CCDC63: variants seen among roughly 807,000 people sequenced by gnomAD.
The protein encoded by CCDC63 is coiled-coil domain containing 63, also known as coiled-coil domain-containing protein 63.
Under a neutral mutation model 63.6 loss-of-function variants are expected in CCDC63, and 54 were observed. The ratio of observed to expected loss-of-function variants is 0.85; its 90% confidence interval spans 0.68 to 1.07. The LOEUF (loss-of-function observed/expected upper bound fraction) is 1.07, where lower values mean the gene tolerates loss of function less well. Among genes scored for constraint, CCDC63 ranks in the 50% least tolerant of loss-of-function variants. The pLI, the probability that CCDC63 is intolerant of heterozygous loss-of-function variation, is 0.00. For missense variants in CCDC63, 637 were observed against 689.6 expected (o/e 0.92, Z 0.86); for synonymous variants, 253 against 266.1 (o/e 0.95, Z 0.48).
At chr12:110,887,884 C>G (rs550398881) in intron 8 of CCDC63, among the ~76,000 whole-genome samples, 1 of 152,170 alleles carries the variant, frequency 6.6e-6, no homozygotes, top group African/African-American at 2.4e-5. Context: ...CGTGAGCCAC[C>G]GCGCCCGGCC....
chr12:110,883,030 T>C (rs2136701962), intron 7 of CCDC63, among the ~76,000 whole-genome samples: 1 of 143,410 alleles, frequency 7.0e-6, no homozygotes. Flanking sequence ...ACTTGGCTAA[T>C]TTTAAATTTT....
intron 11 of CCDC63, among the ~76,000 whole-genome samples, chr12:110,906,629 A>G (rs1250586652): frequency 1.3e-5 from 2 of 151,998 alleles, no homozygotes; most frequent in African/African-American, 4.8e-5. Context: ...CCCAACAAGC[A>G]CACGTGCACA....
In CCDC63 at chr12:110,873,855, A is replaced by G. The variant is rs2071096341; in HGVS notation, c.383A>G (p.Glu128Gly). The change falls in exon 5 of 12, where the codon GAA becomes GGA. Residue 128 changes from glutamate (E) to glycine (G), a missense_variant. Glu to Gly is a moderately conservative substitution (Grantham distance 98). Transcript: ENST00000308208. ...AELDEKILQMEKKIANQKQIF... is the reference protein window; with the variant it reads ...AELDEKILQMGKKIANQKQIF... ...TCTCTTTTTCAGATTCTTCAGATGG[A>G]AAAAAAAATCGCAAACCAAAAACAG... The G allele has an allele frequency of 2.5e-6, 4 of 1,603,682 alleles. No individual in the cohort carries two copies. The African/African-American group carries it at 5.4e-5, about 22-fold the overall frequency.
chr12:110,884,928 G>GCCTCAAGTGAT (rs1363298533), intron 8 of CCDC63, among the ~76,000 whole-genome samples: 350 of 149,980 alleles, frequency 2.3e-3, no homozygotes, highest in African/African-American at 7.9e-3. Flanking sequence ...CAAACTCCTG[G>GCCTCAAGTGAT]CCTCAAGTGA....
At chr12:110,886,788 TG>T (rs1268878864) in intron 8 of CCDC63, among the ~76,000 whole-genome samples, 1 of 150,856 alleles carries the variant, frequency 6.6e-6, no homozygotes, top group African/African-American at 2.4e-5. Context: ...CACCCGGGGG[TG>T]GGGAAGACAG....
chr12:110,871,502 CCTTTCTTT>C (rs79024947), intron 4 of CCDC63, among the ~76,000 whole-genome samples: 1 of 150,922 alleles, frequency 6.6e-6, no homozygotes, highest in Non-Finnish European at 1.5e-5. Flanking sequence ...TTCCTTCCTT[CCTTTCTTT>C]CTTTCCTTCT....
Position 110,880,020 on chromosome 12 carries a change from T to G in CCDC63, c.604T>G (p.Cys202Gly). ...CAATGTCTACCAGCAGCTCCAGCAC[T>G]GCCTGTTGATGGAGAAGAAAACCAT... The part of the protein sequence containing the change: ...YDNVYQQLQH[C>G]LLMEKKTMNL... Residue 202 changes from cysteine to glycine, a missense_variant, in exon 6 of 12, where the codon TGC (cysteine) becomes GGC (glycine). Transcript: ENST00000308208. 4 of 1,614,184 alleles carry G rather than the reference T, an allele frequency of 2.5e-6. No homozygotes were observed. The highest frequency in any genetic ancestry group is 3.4e-6 in the Non-Finnish European group (4 of 1,180,010).
chr12:110,864,991 G>T (rs978066846), intron 4 of CCDC63, among the ~76,000 whole-genome samples: 1 of 152,188 alleles, frequency 6.6e-6, no homozygotes, highest in Non-Finnish European at 1.5e-5. Flanking sequence ...ACCTTCAGGA[G>T]ATGTACCCTG....
intron 7 of CCDC63, among the ~76,000 whole-genome samples, chr12:110,882,704 G>A (rs1022207412): frequency 3.3e-5 from 5 of 151,302 alleles, no homozygotes; most frequent in African/African-American, 9.7e-5. Flanking sequence ...GCAGGTGTTT[G>A]GGATAAACTG....
intron 11 of CCDC63, among the ~76,000 whole-genome samples, chr12:110,906,303 G>A (rs897137938): frequency 7.5e-6 from 1 of 132,992 alleles, no homozygotes; most frequent in Non-Finnish European, 1.6e-5. Flanking sequence ...GAGGGAGGAA[G>A]GCTCAGAGGC....
At chr12:110,876,242 C>G (rs971977182) in intron 5 of CCDC63, among the ~76,000 whole-genome samples, 3 of 139,006 alleles carry the variant, frequency 2.2e-5, no homozygotes, top group Non-Finnish European at 4.6e-5. Flanking sequence ...TCTTTCCCCC[C>G]CACAATCAGA....
At chr12:110,862,429 A>G (rs937534744) in intron 4 of CCDC63, among the ~76,000 whole-genome samples, 1 of 152,244 alleles carries the variant, frequency 6.6e-6, no homozygotes, top group African/African-American at 2.4e-5. Flanking sequence ...CGATGGGAAG[A>G]CAGCATCTTG....
intron 9 of CCDC63, among the ~76,000 whole-genome samples, chr12:110,898,257 G>A (rs757660296): frequency 2.6e-5 from 4 of 151,828 alleles, no homozygotes; most frequent in Non-Finnish European, 5.9e-5. Flanking sequence ...ACTCCAGCCT[G>A]GAGCCTAGGT....
chr12:110,855,624 C>T lies in CCDC63; in HGVS notation c.179+2050C>T, dbSNP rs2070760641. On this transcript the variant is annotated intron_variant, in intron 3 of 11. Transcript: ENST00000308208. ...GAGATGGAGTTTCGCTCTTGTTGCC[C>T]AGGCTGGAGTGCAATGGTGCGATCT... is the stretch of plus-strand genomic sequence containing the variant. 3.3e-5 allele frequency among the ~76,000 whole-genome samples: 5 copies of T among 152,178 alleles called. No individual in the cohort carries two copies. The South Asian group carries it at 1.0e-3, about 32-fold the overall frequency.
rs759779493 is a variant in CCDC63, at chr12:110,884,252, T to C, written c.1074+2T>C. Reference sequence around the variant, plus strand: ...CACAAGAGGACCCAACGAATCCAGGTCAGGGCGGCTCTGCTTTCCCAGGCC... The same window carrying C: ...CACAAGAGGACCCAACGAATCCAGGCCAGGGCGGCTCTGCTTTCCCAGGCC... On this transcript the variant is annotated splice_donor_variant, in intron 8 of 11. Coordinates refer to ENST00000308208, the MANE Select transcript of CCDC63 (RefSeq NM_152591.3). LOFTEE classifies it high-confidence loss of function. 5 of 1,613,146 alleles carry C rather than the reference T, an allele frequency of 3.1e-6. No homozygotes were observed. Among genetic ancestry groups the C allele is most frequent in the Non-Finnish European group, 4.2e-6 (5 of 1,179,298 alleles).
At chr12:110,847,642 CAAAA>C (rs1345321626) in intron 1 of CCDC63, among the ~76,000 whole-genome samples, 1 of 151,276 alleles carries the variant, frequency 6.6e-6, no homozygotes, top group African/African-American at 2.4e-5. Context: ...AACAAACAAA[CAAAA>C]AACAAGAAAA....
chr12:110,894,012 A>G (rs1022276710), intron 9 of CCDC63, among the ~76,000 whole-genome samples: 19 of 151,082 alleles, frequency 1.3e-4, no homozygotes, highest in African/African-American at 4.6e-4. Context: ...AAAAAAGGAA[A>G]TAAGTCTGGA....
intron 10 of CCDC63, among the ~76,000 whole-genome samples, chr12:110,903,925 T>A (rs1413343800): frequency 6.6e-6 from 1 of 152,216 alleles, no homozygotes; most frequent in Non-Finnish European, 1.5e-5. Flanking sequence ...TTTCTCAACC[T>A]TCTTTTCGTC....
chr12:110,874,724 C>T (rs1302014334), intron 5 of CCDC63, among the ~76,000 whole-genome samples: 4 of 152,170 alleles, frequency 2.6e-5, no homozygotes, highest in Non-Finnish European at 5.9e-5. Flanking sequence ...GGGTCATGTG[C>T]CCATTTCTGA....
Sources: allele counts gnomAD v4.1 joint callset (sites outside exome capture counted in the v4.1 genomes callset), GRCh38; gene constraint gnomAD v4.1.1; transcripts MANE v1.5; gene names NCBI Gene and HGNC (gene_info 2026-07-23, HGNC 2026-07-21).